Variants in CHD9 observed in about 807,000 individuals in gnomAD.
CHD9 encodes the protein chromodomain helicase DNA binding protein 9, also known as ATP-dependent chromatin remodeler CHD9.
In CHD9, 77 loss-of-function variants were observed where a neutral mutation model predicts 316.1. The observed-to-expected ratio is 0.24, with a 90% CI of 0.20 to 0.29. CHD9 has a LOEUF of 0.29. Among genes scored for constraint, CHD9 ranks in the 10% least tolerant of loss-of-function variants. The probability of loss-of-function intolerance (pLI) is 1.00; values close to 1 mark genes in which losing one functional copy is unlikely to be tolerated. For missense variants in CHD9, 2,763 were observed against 3,438.1 expected (o/e 0.80, Z 4.91); for synonymous variants, 1,129 against 1,158.3 (o/e 0.97, Z 0.51).
intron 29 of CHD9, among the ~76,000 whole-genome samples, chr16:53,295,476 G>A (rs919032149): frequency 6.6e-6 from 1 of 152,024 alleles, no homozygotes; most frequent in African/African-American, 2.4e-5. Context: ...TCTATTTTTT[G>A]TACTCACATA....
At chr16:53,301,493 C>T (rs898920068) in intron 30 of CHD9, among the ~76,000 whole-genome samples, 3 of 152,100 alleles carry the variant, frequency 2.0e-5, no homozygotes, top group African/African-American at 7.2e-5. Context: ...AAAAACATAA[C>T]ATATTGAAAG....
At chr16:53,070,439 A>T (rs908422991) in intron 1 of CHD9, among the ~76,000 whole-genome samples, 5 of 151,896 alleles carry the variant, frequency 3.3e-5, no homozygotes, top group East Asian at 3.9e-4. Context: ...AAGGTTAAGG[A>T]TACAACTTCA....
At chr16:53,291,885 T>C in intron 28 of CHD9, 118 bp downstream of exon 28, 1 of 586,316 alleles carries the variant, frequency 1.7e-6, no homozygotes, top group Non-Finnish European at 2.8e-6. Context: ...TTTTATTGAC[T>C]GCCATTGTAA....
intron 1 of CHD9, among the ~76,000 whole-genome samples, chr16:53,109,677 CTTTTTTTTTTTTTTT>C (rs1166073629): frequency 7.0e-5 from 5 of 71,596 alleles, no homozygotes; most frequent in Non-Finnish European, 1.2e-4. Flanking sequence ...TTCCCAGTTT[CTTTTTTTTTTTTTTT>C]TTTTTTTTTT....
At chr16:53,094,730 C>T (rs1005964811) in intron 1 of CHD9, among the ~76,000 whole-genome samples, 1 of 150,758 alleles carries the variant, frequency 6.6e-6, no homozygotes, top group Non-Finnish European at 1.5e-5. Flanking sequence ...ACCTCTGCCT[C>T]CCGGGTTCAA....
chr16:53,240,606 A>G (rs1046994360), intron 12 of CHD9, among the ~76,000 whole-genome samples: 3 of 152,114 alleles, frequency 2.0e-5, no homozygotes, highest in African/African-American at 2.4e-5. Context: ...ATATATTTTC[A>G]TATAAATTAA....
At chr16:53,097,327 T>C (rs1375783114) in intron 1 of CHD9, among the ~76,000 whole-genome samples, 3 of 152,100 alleles carry the variant, frequency 2.0e-5, no homozygotes, top group Non-Finnish European at 4.4e-5. Context: ...ATTCCTCCTT[T>C]ATCAACAATT....
chr16:53,169,261 T>C (rs2042501996), intron 2 of CHD9: 1 of 152,206 alleles, frequency 6.6e-6, no homozygotes, highest in Non-Finnish European at 1.5e-5. Flanking sequence ...GATCTCACTA[T>C]GTTGCCCAGG....
chr16:53,113,671 C>T (rs1248264088), intron 1 of CHD9, among the ~76,000 whole-genome samples: 1 of 151,666 alleles, frequency 6.6e-6, no homozygotes, highest in African/African-American at 2.4e-5. Flanking sequence ...CAGGATGAGC[C>T]TAGTTTTTTT....
intron 30 of CHD9, among the ~76,000 whole-genome samples, chr16:53,301,767 C>CTTTTTTTTTTTTTTTTTTTTT (rs199846098): frequency 7.9e-6 from 1 of 126,232 alleles, no homozygotes. Flanking sequence ...TCTTTTTTTT[C>CTTTTTTTTTTTTTTTTTTTTT]TTTTTTTTTT....
chr16:53,285,821 T>A (rs575530586), intron 25 of CHD9, 122 bp downstream of exon 25: 2 of 549,390 alleles, frequency 3.6e-6, no homozygotes, highest in Admixed American at 7.2e-5. Flanking sequence ...ATATACAGAA[T>A]TAAAAGCATA....
At chr16:53,295,342 G>A (rs1316923859) in intron 29 of CHD9, among the ~76,000 whole-genome samples, 1 of 152,182 alleles carries the variant, frequency 6.6e-6, no homozygotes, top group African/African-American at 2.4e-5. Flanking sequence ...GGCCAGGCTT[G>A]TCTTGAATTC....
At chr16:53,128,201 A>G (rs1431986006) in intron 1 of CHD9, among the ~76,000 whole-genome samples, 2 of 151,322 alleles carry the variant, frequency 1.3e-5, no homozygotes, top group Admixed American at 1.3e-4. Context: ...TTTTTCTTTT[A>G]AGACGGAGTC....
chr16:53,060,958 C>A (rs1347396349), intron 1 of CHD9, among the ~76,000 whole-genome samples: 1 of 132,972 alleles, frequency 7.5e-6, no homozygotes, highest in African/African-American at 2.9e-5. Flanking sequence ...CGGAGTTTCA[C>A]TCTTTTGCCC....
rs16952030 is a variant in CHD9, at chr16:53,141,635, T to C, written c.-164-14291T>C. Among the ~76,000 whole-genome samples, 1,242 of 152,320 alleles carry C rather than the reference T, an allele frequency of 8.2e-3. 16 individuals are homozygous for C. Among genetic ancestry groups the C allele is most frequent in the African/African-American group, 0.029 (1,204 of 41,568 alleles). Reference sequence around the variant, plus strand: ...TGGCATTATTGAATTCCTGAAAGCGTATGAGTATTTACTGTGTGGCAGGAA... The same window carrying C: ...TGGCATTATTGAATTCCTGAAAGCGCATGAGTATTTACTGTGTGGCAGGAA... On this transcript the variant is annotated intron_variant, in intron 1 of 38. Transcript: ENST00000447540.
chr16:53,217,217 A>G (rs1454975551), intron 3 of CHD9, among the ~76,000 whole-genome samples: 1 of 152,084 alleles, frequency 6.6e-6, no homozygotes, highest in African/African-American at 2.4e-5. Context: ...ATGTACATCA[A>G]TTTGAGTTTG....
intron 1 of CHD9, among the ~76,000 whole-genome samples, chr16:53,060,129 G>C (rs1285704209): frequency 6.6e-6 from 1 of 151,832 alleles, no homozygotes; most frequent in Non-Finnish European, 1.5e-5. Flanking sequence ...GGATTGCTTG[G>C]GGCCAGGAGT....
chr16:53,067,749 G>A (rs903234758), intron 1 of CHD9, among the ~76,000 whole-genome samples: 1 of 152,160 alleles, frequency 6.6e-6, no homozygotes, highest in Admixed American at 6.5e-5. Flanking sequence ...AGGTGGCTAA[G>A]GTAGCGTTTG....
At chr16:53,070,427 G>A (rs1352697057) in intron 1 of CHD9, among the ~76,000 whole-genome samples, 4 of 152,018 alleles carry the variant, frequency 2.6e-5, no homozygotes, top group Admixed American at 2.6e-4. Flanking sequence ...TGTATGTCAT[G>A]TAAGGTTAAG....
Sources: gnomAD v4.1 joint callset for allele counts (sites outside exome capture counted in the v4.1 genomes callset) on GRCh38, gnomAD v4.1.1 for gene constraint, MANE v1.5 for transcripts, NCBI Gene and HGNC (gene_info 2026-07-23, HGNC 2026-07-21) for gene names.